ENOX1: variants seen among roughly 807,000 people sequenced by gnomAD.
The protein encoded by ENOX1 is ecto-NOX disulfide-thiol exchanger 1.
A neutral mutation model predicts 82.5 loss-of-function variants in ENOX1; 42 were observed. That is an observed-to-expected ratio of 0.51 (90% CI 0.40 to 0.66). The LOEUF (loss-of-function observed/expected upper bound fraction) is 0.66, where lower values mean the gene tolerates loss of function less well. ENOX1 is among the 30% of genes least tolerant of loss of function. ENOX1 has a pLI of 0.00. For synonymous variants in ENOX1, 271 were observed against 282.2 expected (o/e 0.96, Z 0.40); for missense variants, 608 against 811.6 (o/e 0.75, Z 3.05).
At chr13:43,261,482 T>C (rs2044055282) in intron 14 of ENOX1, among the ~76,000 whole-genome samples, 2 of 152,158 alleles carry the variant, frequency 1.3e-5, no homozygotes, top group African/African-American at 4.8e-5. Flanking sequence ...AGATTTATAA[T>C]AGCAAAAACA....
chr13:43,722,357 C>T (rs2088636789), intron 1 of ENOX1, among the ~76,000 whole-genome samples: 1 of 152,054 alleles, frequency 6.6e-6, no homozygotes, highest in African/African-American at 2.4e-5. Context: ...TAAATGTTCA[C>T]AGAGGGATGT....
intron 2 of ENOX1, among the ~76,000 whole-genome samples, chr13:43,570,624 C>T (rs1039806652): frequency 1.2e-4 from 18 of 152,080 alleles, no homozygotes; most frequent in African/African-American, 3.4e-4. Context: ...GGGCAAAGCA[C>T]GACATCGAGA....
At chr13:43,749,455 G>A (rs1166908804) in intron 1 of ENOX1, among the ~76,000 whole-genome samples, 1 of 152,256 alleles carries the variant, frequency 6.6e-6, no homozygotes, top group Non-Finnish European at 1.5e-5. Flanking sequence ...AACAGGTACA[G>A]AGAGGCACCT....
chr13:43,474,114 T>C (rs2058181102), intron 3 of ENOX1, among the ~76,000 whole-genome samples: 1 of 152,176 alleles, frequency 6.6e-6, no homozygotes, highest in African/African-American at 2.4e-5. Context: ...AAGGCCAAAC[T>C]GTTGTGATTC....
chr13:43,366,506 G>A (rs2050860447), intron 5 of ENOX1, among the ~76,000 whole-genome samples: 1 of 152,170 alleles, frequency 6.6e-6, no homozygotes, highest in Non-Finnish European at 1.5e-5. Flanking sequence ...TCGATCTCCT[G>A]ACCTCGTGAT....
At chr13:43,344,897 A>G (rs533536326) in intron 8 of ENOX1, 147 bp from the exon 9 acceptor site, 2 of 744,682 alleles carry the variant, frequency 2.7e-6, no homozygotes, top group South Asian at 1.9e-5. Flanking sequence ...ACTGACTGCC[A>G]TATCATCACT....
intron 1 of ENOX1, among the ~76,000 whole-genome samples, chr13:43,766,926 T>C (rs868761228): frequency 6.6e-6 from 1 of 151,438 alleles, no homozygotes; most frequent in African/African-American, 2.4e-5. Flanking sequence ...CCAAAGAGAT[T>C]CACGCTCTCA....
intron 15 of ENOX1, among the ~76,000 whole-genome samples, chr13:43,230,970 ACT>A (rs1221255258): frequency 3.3e-5 from 5 of 151,960 alleles, no homozygotes; most frequent in African/African-American, 1.2e-4. Context: ...TTCATTCCAA[ACT>A]CTCTGTGTCA....
At chr13:43,427,770 C>A (rs906626667) in intron 3 of ENOX1, among the ~76,000 whole-genome samples, 1 of 152,090 alleles carries the variant, frequency 6.6e-6, no homozygotes, top group African/African-American at 2.4e-5. Flanking sequence ...TATAGCATGG[C>A]AAATTAGATA....
At chr13:43,484,383 C>T (rs186192283) in intron 2 of ENOX1, among the ~76,000 whole-genome samples, 16 of 152,254 alleles carry the variant, frequency 1.1e-4, no homozygotes, top group African/African-American at 3.6e-4. Flanking sequence ...CAAACCTCTG[C>T]TTTTCCTCTT....
chr13:43,730,860 C>G (rs557173980), intron 1 of ENOX1, among the ~76,000 whole-genome samples: 1 of 152,306 alleles, frequency 6.6e-6, no homozygotes, highest in African/African-American at 2.4e-5. Flanking sequence ...GGACTCAGCT[C>G]AGGCCTCAGC....
At chr13:43,628,532 C>T (rs1286542610) in intron 2 of ENOX1, among the ~76,000 whole-genome samples, 1 of 152,118 alleles carries the variant, frequency 6.6e-6, no homozygotes, top group African/African-American at 2.4e-5. Flanking sequence ...AGTGTAATTG[C>T]TAGTTTAAGC....
intron 2 of ENOX1, among the ~76,000 whole-genome samples, chr13:43,604,208 G>A (rs914578258): frequency 5.3e-5 from 8 of 150,560 alleles, no homozygotes; most frequent in Non-Finnish European, 5.9e-5. Context: ...GTCTGTTCAC[G>A]TCCTTTGCCC....
Position 43,353,331 on chromosome 13 carries a change from G to A in ENOX1, c.823+2588C>T, listed in dbSNP as rs574267147. 3.9e-5 allele frequency among the ~76,000 whole-genome samples: 6 copies of A among 152,282 alleles called. No individual in the cohort carries two copies. In the South Asian group the frequency reaches 1.2e-3, roughly 32 times the overall value. ...TGTACAGATTTTGCTAAATAAAGCT[G>A]ATTTTCAAAGAGAAAATTGTAAGAA... On this transcript the variant is annotated intron_variant, in intron 8 of 16. Transcript: ENST00000690772.
intron 1 of ENOX1, among the ~76,000 whole-genome samples, chr13:43,676,302 G>T (rs1215346406): frequency 6.6e-6 from 1 of 152,186 alleles, no homozygotes; most frequent in Non-Finnish European, 1.5e-5. Flanking sequence ...TTATCTAGAT[G>T]AAATTACCAC....
At chr13:43,363,114 C>T (rs2050631914) in intron 5 of ENOX1, among the ~76,000 whole-genome samples, 1 of 152,148 alleles carries the variant, frequency 6.6e-6, no homozygotes, top group South Asian at 2.1e-4. Flanking sequence ...GCTGATGTTG[C>T]TCAGTACAAA....
chr13:43,583,694 A>T (rs2080849556), intron 2 of ENOX1, among the ~76,000 whole-genome samples: 1 of 152,216 alleles, frequency 6.6e-6, no homozygotes, highest in Admixed American at 6.5e-5. Flanking sequence ...TCTTTCTTGC[A>T]GCACTCATTA....
At chr13:43,543,390 C>T (rs1170252013) in intron 2 of ENOX1, among the ~76,000 whole-genome samples, 1 of 152,046 alleles carries the variant, frequency 6.6e-6, no homozygotes, top group Non-Finnish European at 1.5e-5. Context: ...ATAGAGGTAA[C>T]ATTTCATGAA....
chr13:43,422,485 T>G (rs2055035055), intron 3 of ENOX1, among the ~76,000 whole-genome samples: 1 of 152,192 alleles, frequency 6.6e-6, no homozygotes, highest in African/African-American at 2.4e-5. Context: ...TGGTTTGTGA[T>G]TACATCCTCC....
Sources: allele counts gnomAD v4.1 joint callset (sites outside exome capture counted in the v4.1 genomes callset), GRCh38; gene constraint gnomAD v4.1.1; transcripts MANE v1.5; gene names NCBI Gene and HGNC (gene_info 2026-07-23, HGNC 2026-07-21).